The following ABCA1 variants were observed in gnomAD, a reference collection of about 807,000 sequenced individuals.
ABCA1 encodes the protein phospholipid-transporting ATPase ABCA1.
Under a neutral mutation model 262.5 loss-of-function variants are expected in ABCA1, and 133 were observed. The observed-to-expected ratio is 0.51, with a 90% confidence interval of 0.44 to 0.59. The LOEUF is 0.59. ABCA1 is among the 20% of genes least tolerant of loss of function. The pLI is 0.00. For missense variants in ABCA1, 2,452 were observed against 2,777.5 expected (o/e 0.88, Z 2.63); for synonymous variants, 1,022 against 1,043.5 (o/e 0.98, Z 0.40).
intron 18 of ABCA1, 150 bp from the exon 19 acceptor site, chr9:104,822,817 A>G (rs1832484034): frequency 8.4e-6 from 7 of 828,482 alleles, no homozygotes; most frequent in African/African-American, 1.7e-5. Flanking sequence ...ATAAATGTTT[A>G]TTTAGGGCCT....
In ABCA1 at chr9:104,796,300, G is replaced by T. The variant is rs748956226; in HGVS notation, c.5237+9C>A. ...CACTGTGCAGCTCCCTCACTCAGAG[G>T]TGACTTACCCATACAGCAAAAGTAG... is the stretch of plus-strand genomic sequence containing the variant. On this transcript the variant is annotated intron_variant, in intron 38 of 49. Coordinates refer to ENST00000374736, the MANE Select transcript of ABCA1 (RefSeq NM_005502.4). The T allele has an allele frequency of 1.2e-6, 2 of 1,613,964 alleles. No individual in the cohort carries two copies.
At chr9:104,812,889 T>C (rs924385249) in intron 27 of ABCA1, among the ~76,000 whole-genome samples, 167 bp from the exon 28 acceptor site, 2 of 152,246 alleles carry the variant, frequency 1.3e-5, no homozygotes, top group African/African-American at 2.4e-5. Flanking sequence ...AAGGAAAAGC[T>C]TGACTCAAAA....
chr9:104,795,087 A>G (rs1829782440), intron 39 of ABCA1, among the ~76,000 whole-genome samples: 1 of 152,244 alleles, frequency 6.6e-6, no homozygotes, highest in African/African-American at 2.4e-5. Context: ...TGTACGTTGT[A>G]CTGGAGGCAT....
chr9:104,833,463 C>T (rs1833526832), intron 11 of ABCA1, among the ~76,000 whole-genome samples: 1 of 152,152 alleles, frequency 6.6e-6, no homozygotes, highest in South Asian at 2.1e-4. Context: ...ATTACAGGCA[C>T]AAGCCACCAG....
At chr9:104,895,928 A>G (rs1840162801) in intron 2 of ABCA1, among the ~76,000 whole-genome samples, 1 of 152,240 alleles carries the variant, frequency 6.6e-6, no homozygotes, top group South Asian at 2.1e-4. Context: ...GGCCTTAGGC[A>G]AGAGGCTTCT....
rs572236056 is a variant in ABCA1 at position 104,835,839 on chromosome 9, A to G, written c.1311+1141T>C. On this transcript the variant is annotated intron_variant, in intron 11 of 49. Transcript: ENST00000374736. ...AATTGAAGCACCTAAGGCAAAGTCAATTTCAGACTAGGGAACCATCTACTT... is the reference window on the plus strand; with the variant it reads ...AATTGAAGCACCTAAGGCAAAGTCAGTTTCAGACTAGGGAACCATCTACTT... Among the ~76,000 whole-genome samples, 137 of 152,280 alleles carry G rather than the reference A, an allele frequency of 9.0e-4. 1 individual carries two copies. The Middle Eastern group carries it at 0.017, about 19-fold the overall frequency.
chr9:104,925,816 C>A (rs1414704500), intron 1 of ABCA1, among the ~76,000 whole-genome samples: 1 of 152,072 alleles, frequency 6.6e-6, no homozygotes, highest in African/African-American at 2.4e-5. Flanking sequence ...TCCATACTTT[C>A]TCTGATTTAG....
In ABCA1 at chr9:104,832,663, C is replaced by A. The variant is rs939146200; in HGVS notation, c.1420G>T (p.Val474Phe). Residue 474 changes from valine to phenylalanine, a missense_variant, in exon 12 of 50, where the codon GTC (valine) becomes TTC (phenylalanine). By Grantham distance (50) the Val-to-Phe change is conservative. Transcript: ENST00000374736. ...TACACAGAACCATTACTGGACTGGA[C>A]ATCCTCTGGGTGCTTGGCCAAAAAC... is the stretch of plus-strand genomic sequence containing the variant. ...VAFLAKHPEDVQSSNGSVYTW... is the reference protein window; with the variant it reads ...VAFLAKHPEDFQSSNGSVYTW... 6.2e-7 allele frequency: 1 copy of A among 1,614,176 alleles called. No homozygotes were observed. Among genetic ancestry groups the A allele is most frequent in the Non-Finnish European group, 8.5e-7 (1 of 1,180,046 alleles).
chr9:104,792,159 G>A lies in ABCA1; in HGVS notation c.5758-161C>T, dbSNP rs140520600. ...TGATGTGCCAAGAGCCTTGGTCTGC[G>A]TTTGTGGCGACTGGCTTCTGAATGA... On this transcript the variant is annotated intron_variant, in intron 42 of 49. Transcript: ENST00000374736. 1.9e-3 allele frequency among the ~76,000 whole-genome samples: 295 copies of A among 152,298 alleles called. 1 individual carries two copies. Among genetic ancestry groups the A allele is most frequent in the African/African-American group, 6.8e-3 (284 of 41,576 alleles).
At chr9:104,850,926 G>C (rs975935394) in intron 7 of ABCA1, among the ~76,000 whole-genome samples, 1 of 152,168 alleles carries the variant, frequency 6.6e-6, no homozygotes, top group Non-Finnish European at 1.5e-5. Flanking sequence ...TTTAGTGAGG[G>C]ACTATATTTT....
intron 7 of ABCA1, among the ~76,000 whole-genome samples, chr9:104,848,363 T>C (rs986788933): frequency 6.6e-6 from 1 of 151,984 alleles, no homozygotes; most frequent in African/African-American, 2.4e-5. Flanking sequence ...ACCTGTAATC[T>C]CAACACTTTG....
At position 104,819,964 on chromosome 9, in the gene ABCA1, T is replaced by C. The variant is rs778003601; in HGVS notation, c.3066A>G (p.Pro1022=). 9 of 1,613,870 alleles carry C rather than the reference T, an allele frequency of 5.6e-6. No individual in the cohort carries two copies. Among genetic ancestry groups the C allele is most frequent in the African/African-American group, 4.0e-5 (3 of 74,906 alleles). ...TTGTTTTGCTTTTCAGCTTGCTTGA[T>C]GGCAAACCAACATCCAGGGCCATCT... is the stretch of plus-strand genomic sequence containing the variant. The part of the protein sequence containing the change: ...MEQMALDVGL[P]SSKLKSKTSQ... Residue 1022 remains proline, a synonymous_variant, in exon 21 of 50, where the codon CCA becomes CCG. Transcript: ENST00000374736.
intron 11 of ABCA1, among the ~76,000 whole-genome samples, chr9:104,833,732 C>T (rs2119012786): frequency 6.6e-6 from 1 of 152,304 alleles, no homozygotes; most frequent in Non-Finnish European, 1.5e-5. Flanking sequence ...GCTGGTTAAA[C>T]CAACTAAAGT....
intron 1 of ABCA1, among the ~76,000 whole-genome samples, chr9:104,909,744 T>C (rs1222622518): frequency 6.6e-6 from 1 of 151,988 alleles, no homozygotes; most frequent in Admixed American, 6.6e-5. Context: ...CAAAACATTG[T>C]GCCCTTTTGA....
rs925876847 is a variant in ABCA1, at chr9:104,865,515, C to CAAAAAAAAAAAA, written c.422-3727_422-3716dup. ...TGGGTGACAGAGCGAGACTCTGTCTCAAAAAAAAAAAAAAAAAGAATTTAA... is the reference window on the plus strand; with the variant it reads ...TGGGTGACAGAGCGAGACTCTGTCTCAAAAAAAAAAAAAAAAAAAAAAAAAAAAAGAATTTAA... On this transcript the variant is annotated intron_variant, in intron 5 of 49. Transcript: ENST00000374736. 1.2e-3 allele frequency among the ~76,000 whole-genome samples: 80 copies of CAAAAAAAAAAAA among 66,930 alleles called. 1 individual carries two copies. Among genetic ancestry groups the CAAAAAAAAAAAA allele is most frequent in the African/African-American group, 3.8e-3 (71 of 18,672 alleles). 43.9% of individuals were successfully genotyped at this position (66,930 alleles called of 152,430 possible).
intron 35 of ABCA1, 28 bp downstream of exon 35, chr9:104,800,482 A>G (rs766248816): frequency 1.6e-5 from 25 of 1,593,060 alleles, no homozygotes; most frequent in Non-Finnish European, 1.9e-5. Context: ...TTCATCAAAA[A>G]GCTACTAGAA....
At chr9:104,844,764 G>A (rs990298444) in intron 8 of ABCA1, among the ~76,000 whole-genome samples, 8 of 152,164 alleles carry the variant, frequency 5.3e-5, no homozygotes, top group African/African-American at 1.7e-4. Context: ...CTGCCCCCTG[G>A]CTCAGCTTCC....
At position 104,821,495 on chromosome 9, in the gene ABCA1, G is replaced by T. The variant is rs771631840; in HGVS notation, c.2840C>A (p.Thr947Asn). ...AGKTTTMSIL[T>N]GLFPPTSGTA... ...GCCCGAGGTCGGGGGGAACAACCCGGTCAGGATTGACCTGAGGACAAAAAT... is the reference window on the plus strand; with the variant it reads ...GCCCGAGGTCGGGGGGAACAACCCGTTCAGGATTGACCTGAGGACAAAAAT... Residue 947 changes from threonine to asparagine, a missense_variant, in exon 20 of 50, where the codon ACC (threonine) becomes AAC (asparagine). Physicochemically the swap from Thr to Asn is moderately conservative, Grantham distance 65. This residue lies in a region of ABCA1 where 665 missense variants were observed against 727.3 expected (regional missense o/e 0.91). Coordinates refer to ENST00000374736, the MANE Select transcript of ABCA1 (RefSeq NM_005502.4). The T allele has an allele frequency of 1.2e-6, 2 of 1,613,960 alleles. No individual in the cohort carries two copies. The highest frequency in any genetic ancestry group is 1.7e-6 in the Non-Finnish European group (2 of 1,180,022).
intron 1 of ABCA1, among the ~76,000 whole-genome samples, chr9:104,920,802 G>A (rs555902355): frequency 2.0e-4 from 31 of 152,288 alleles, no homozygotes; most frequent in African/African-American, 7.5e-4. Flanking sequence ...AAGCCATCGC[G>A]CCCGGCCTAA....
Sources: gnomAD v4.1 joint callset for allele counts (sites outside exome capture counted in the v4.1 genomes callset) on GRCh38, gnomAD v4.1.1 for gene constraint, gnomAD v4.1.1 regional missense constraint, MANE v1.5 for transcripts, NCBI Gene and HGNC (gene_info 2026-07-23, HGNC 2026-07-21) for gene names.